Variants in ZFR2 observed in about 807,000 individuals in gnomAD.
The protein encoded by ZFR2 is zinc finger RNA-binding protein 2.
A neutral mutation model predicts 105.7 loss-of-function variants in ZFR2; 104 were observed. The observed-to-expected ratio is 0.98, with a 90% CI of 0.84 to 1.16. The LOEUF (loss-of-function observed/expected upper bound fraction) is 1.16, where lower values mean the gene tolerates loss of function less well. Among genes scored for constraint, ZFR2 ranks in the 50% most tolerant of loss-of-function variants. ZFR2 has a pLI of 0.00. For synonymous variants in ZFR2, 634 were observed against 597.7 expected (o/e 1.06, Z -0.89); for missense variants, 1,425 against 1,355.5 (o/e 1.05, Z -0.80).
chr19:3,827,388 C>A (rs1167945686), intron 6 of ZFR2, 83 bp downstream of exon 6: 2 of 1,423,178 alleles, frequency 1.4e-6, no homozygotes, highest in Non-Finnish European at 1.8e-6. Flanking sequence ...CTCTGATCTC[C>A]CCAGGTACCT....
chr19:3,838,202 C>G lies in ZFR2; in HGVS notation c.54-3219G>C, dbSNP rs1160930759. ...TGACCGTGACACCCGATGAACATCCCGACAATACATTCGATGAACACCGTG... is the reference window on the plus strand; with the variant it reads ...TGACCGTGACACCCGATGAACATCCGGACAATACATTCGATGAACACCGTG... On this transcript the variant is annotated intron_variant, in intron 1 of 18. Coordinates refer to ENST00000262961, the MANE Select transcript of ZFR2 (RefSeq NM_015174.2). The surrounding 1 kb of genome is among the most constrained non-coding windows in gnomAD (Gnocchi z 4.9). 1.3e-5 allele frequency among the ~76,000 whole-genome samples: 2 copies of G among 151,644 alleles called. No individual in the cohort carries two copies. Among genetic ancestry groups the G allele is most frequent in the Non-Finnish European group, 2.9e-5 (2 of 67,928 alleles).
intron 13 of ZFR2, among the ~76,000 whole-genome samples, chr19:3,814,928 G>T (rs1019922873): frequency 6.6e-6 from 1 of 152,034 alleles, no homozygotes; most frequent in Non-Finnish European, 1.5e-5. Context: ...TGCAGGTGCT[G>T]GTCATTCTAT....
At position 3,834,880 on chromosome 19, in the gene ZFR2, C is replaced by A; in HGVS notation, c.157G>T (p.Ala53Ser). ...TGGTATCCACCGTACCCTGCCGGGG[C>A]AGCTGGGGGAAAGGCCGGGTTCACG... The part of the protein sequence containing the change: ...PAVNPAFPPA[A>S]PAGYGGYQPH... Residue 53 changes from alanine to serine, a missense_variant, in exon 2 of 19, where the codon GCC (alanine) becomes TCC (serine). Transcript: ENST00000262961. The surrounding 1 kb of genome is among the most constrained non-coding windows in gnomAD (Gnocchi z 5.3). 1 of 1,611,840 alleles carries A rather than the reference C, an allele frequency of 6.2e-7. No individual in the cohort carries two copies. Among genetic ancestry groups the A allele is most frequent in the Non-Finnish European group, 8.5e-7 (1 of 1,179,086 alleles).
At chr19:3,839,922 C>G (rs751193634) in intron 1 of ZFR2, among the ~76,000 whole-genome samples, 6 of 151,958 alleles carry the variant, frequency 3.9e-5, no homozygotes, top group African/African-American at 7.3e-5. Flanking sequence ...GGCGCGATCA[C>G]AGTTCACTGC....
At chr19:3,845,912 C>T (rs575499825) in intron 1 of ZFR2, among the ~76,000 whole-genome samples, 11 of 152,316 alleles carry the variant, frequency 7.2e-5, no homozygotes, top group South Asian at 4.1e-4. Context: ...GAAAAGGGCG[C>T]GGATTCAGCC....
rs927139705 is a variant in ZFR2 at position 3,814,280 on chromosome 19, A to C, written c.2104-322T>G. Reference sequence around the variant, plus strand: ...AAAAAATTGGTGAGTGAAATAACAGATACCTGGCAGAAAAAGAAACACAAA... The same window carrying C: ...AAAAAATTGGTGAGTGAAATAACAGCTACCTGGCAGAAAAAGAAACACAAA... On this transcript the variant is annotated intron_variant, in intron 13 of 18. Transcript: ENST00000262961. Among the ~76,000 whole-genome samples the C allele has an allele frequency of 2.0e-5, 3 of 152,354 alleles. No individual in the cohort carries two copies. In the South Asian group the frequency reaches 6.2e-4, roughly 32 times the overall value.
chr19:3,862,902 T>C (rs1475133929), intron 1 of ZFR2, among the ~76,000 whole-genome samples: 2 of 152,082 alleles, frequency 1.3e-5, no homozygotes, highest in East Asian at 1.9e-4. Context: ...CTGGAAAGAA[T>C]GGGTGCAGCA....
intron 17 of ZFR2, among the ~76,000 whole-genome samples, chr19:3,807,556 CGT>C (rs1555752050): frequency 5.3e-5 from 8 of 152,002 alleles, no homozygotes; most frequent in African/African-American, 7.2e-5. Context: ...CATACGCTGA[CGT>C]GTGTGTCCAT....
rs574879784 is a variant in ZFR2 at position 3,810,851 on chromosome 19, G to C, written c.2338-6C>G. Reference sequence around the variant, plus strand: ...TGCAGGCCGCTGGCTCGAGCCTTCGGGGGAGAAGCACACGGTTAGCTTTCA... The same window carrying C: ...TGCAGGCCGCTGGCTCGAGCCTTCGCGGGAGAAGCACACGGTTAGCTTTCA... On this transcript the variant is annotated splice_polypyrimidine_tract_variant and splice_region_variant and intron_variant, in intron 15 of 18. Transcript: ENST00000262961. 1.3e-6 allele frequency: 2 copies of C among 1,550,150 alleles called. No homozygotes were observed. The highest frequency in any genetic ancestry group is 2.4e-5 in the East Asian group (1 of 40,906).
At chr19:3,808,201 A>G (rs950151675) in intron 17 of ZFR2, among the ~76,000 whole-genome samples, 1 of 141,334 alleles carries the variant, frequency 7.1e-6, no homozygotes, top group Non-Finnish European at 1.6e-5. Context: ...GTGCCTGTGT[A>G]TGTGCGTGTG....
chr19:3,859,913 A>G (rs2145192932), intron 1 of ZFR2, among the ~76,000 whole-genome samples: 1 of 152,106 alleles, frequency 6.6e-6, no homozygotes, highest in Non-Finnish European at 1.5e-5. Context: ...TTTTCTGACC[A>G]TGAAACCCTT....
chr19:3,853,610 C>A (rs2038265900), intron 1 of ZFR2, among the ~76,000 whole-genome samples: 1 of 152,098 alleles, frequency 6.6e-6, no homozygotes, highest in African/African-American at 2.4e-5. Context: ...TCCATTTCTA[C>A]AGAATGTCCA....
intron 1 of ZFR2, among the ~76,000 whole-genome samples, chr19:3,854,696 C>A (rs915814576): frequency 3.3e-5 from 5 of 152,268 alleles, no homozygotes; most frequent in South Asian, 2.1e-4. Context: ...CAGGAAGTAG[C>A]CCTTTTACAT....
chr19:3,830,337 C>G (rs1488227931), intron 5 of ZFR2, among the ~76,000 whole-genome samples: 2 of 152,056 alleles, frequency 1.3e-5, no homozygotes, highest in Non-Finnish European at 2.9e-5. Flanking sequence ...ACTTGGAAGG[C>G]TGAGGGGAGG....
chr19:3,811,446 T>G lies in ZFR2; in HGVS notation c.2243-80A>C, dbSNP rs2037763750. ...TGCCGACGGGGTGAGGGGCTCAGTT[T>G]GGGCCCCTCGACGCTTTTTTTTTTT... On this transcript the variant is annotated intron_variant, in intron 14 of 18. Coordinates refer to ENST00000262961, the MANE Select transcript of ZFR2 (RefSeq NM_015174.2). 5 of 1,371,498 alleles carry G rather than the reference T, an allele frequency of 3.6e-6. No homozygotes were observed. In the South Asian group the frequency reaches 6.6e-5, roughly 18 times the overall value. 85.0% of individuals were successfully genotyped at this position (1,371,498 alleles called of 1,614,324 possible).
intron 18 of ZFR2, among the ~76,000 whole-genome samples, 200 bp from the exon 19 acceptor site, chr19:3,806,325 C>T (rs979955469): frequency 1.3e-5 from 2 of 152,160 alleles, no homozygotes; most frequent in South Asian, 2.1e-4. Flanking sequence ...TGCAGTGGCG[C>T]GATCTCAGCT....
chr19:3,831,762 A>G lies in ZFR2; in HGVS notation c.496T>C (p.Tyr166His). 1 of 1,610,560 alleles carries G rather than the reference A, an allele frequency of 6.2e-7. No individual in the cohort carries two copies. The highest frequency in any genetic ancestry group is 8.5e-7 in the Non-Finnish European group (1 of 1,179,140). Residue 166 changes from tyrosine (Y) to histidine (H), a missense_variant, in exon 4 of 19, where the codon TAC becomes CAC. Coordinates refer to ENST00000262961, the MANE Select transcript of ZFR2 (RefSeq NM_015174.2). The stretch of plus-strand genomic sequence containing the variant: ...ACGCCTGTCGCCGTGGGGTAGGTGT[A>G]TCCCGAGGACAAGGTGCTCGCTGGC... ...GQPASTLSSG[Y>H]TYPTATGVQP...
intron 16 of ZFR2, among the ~76,000 whole-genome samples, 151 bp from the exon 17 acceptor site, chr19:3,809,134 C>T (rs940576563): frequency 1.3e-5 from 2 of 152,086 alleles, no homozygotes; most frequent in African/African-American, 2.4e-5. Flanking sequence ...GAGGGCTGCC[C>T]GTGGCAGGGC....
intron 10 of ZFR2, among the ~76,000 whole-genome samples, chr19:3,820,958 TGGACACAGGGACACTAGAGGTCGGG>T (rs2037885394): frequency 1.7e-4 from 4 of 23,244 alleles, no homozygotes; most frequent in Non-Finnish European, 3.3e-4. Flanking sequence ...TAGAGGTCGG[TGGACACAGGGACACTAGAGGTCGGG>T]GGACACAGGG....
Sources: gnomAD v4.1 joint callset for allele counts (sites outside exome capture counted in the v4.1 genomes callset) on GRCh38, gnomAD v4.1.1 for gene constraint, Gnocchi (gnomAD v3.1) non-coding constraint, MANE v1.5 for transcripts, NCBI Gene and HGNC (gene_info 2026-07-23, HGNC 2026-07-21) for gene names.